PRKCE: variants seen among roughly 807,000 people sequenced by gnomAD.
PRKCE encodes the protein protein kinase C epsilon type.
PRKCE carries 16 observed loss-of-function variants against 85.4 expected under a neutral mutation model. The observed-to-expected ratio is 0.19, with a 90% CI of 0.13 to 0.28. The LOEUF is 0.28. Ranked by LOEUF, PRKCE falls within the 10% of genes least tolerant of loss-of-function variation. The pLI, the probability that PRKCE is intolerant of heterozygous loss-of-function variation, is 1.00. For missense variants in PRKCE, 573 were observed against 975.2 expected, an observed-to-expected ratio of 0.59 and a Z score of 5.49; for synonymous variants, 388 against 371.5, an observed-to-expected ratio of 1.04 and a Z score of -0.51.
At chr2:45,784,928 C>G (rs1386879113) in intron 1 of PRKCE, among the ~76,000 whole-genome samples, 2 of 152,128 alleles carry the variant, frequency 1.3e-5, no homozygotes, top group East Asian at 1.9e-4. Context: ...CACTTAAGAT[C>G]TGGTACTATA....
chr2:45,895,018 C>A lies in PRKCE; in HGVS notation c.412+51955C>A, dbSNP rs1696027839. 6.6e-6 allele frequency among the ~76,000 whole-genome samples: 1 copy of A among 152,206 alleles called. No homozygotes were observed. The highest frequency in any genetic ancestry group is 2.1e-4 in the South Asian group (1 of 4,832). On this transcript the variant is annotated intron_variant, in intron 2 of 14. Coordinates refer to ENST00000306156, the MANE Select transcript of PRKCE (RefSeq NM_005400.3). This position sits in a 1 kb window ranked among gnomAD's most constrained non-coding sequence, Gnocchi z 4.8. ...GATTACAGGCATCAGCCCCTGTGCCCCCGTTCGTTTGTTTTGAGTGAACAC... is the reference window on the plus strand; with the variant it reads ...GATTACAGGCATCAGCCCCTGTGCCACCGTTCGTTTGTTTTGAGTGAACAC...
At chr2:45,765,261 G>C (rs1423364225) in intron 1 of PRKCE, among the ~76,000 whole-genome samples, 4 of 152,226 alleles carry the variant, frequency 2.6e-5, no homozygotes, top group Admixed American at 2.6e-4. Flanking sequence ...CACATGATGA[G>C]TAAGCCTGGA....
intron 10 of PRKCE, among the ~76,000 whole-genome samples, chr2:46,019,731 G>A (rs1706477682): frequency 6.6e-6 from 1 of 150,964 alleles, no homozygotes; most frequent in Non-Finnish European, 1.5e-5. Flanking sequence ...CAATGACATT[G>A]TGAGGACTTC....
At chr2:45,679,398 C>T (rs540009759) in intron 1 of PRKCE, among the ~76,000 whole-genome samples, 8 of 152,254 alleles carry the variant, frequency 5.3e-5, no homozygotes, top group Admixed American at 2.6e-4. Flanking sequence ...ATTTTTATAG[C>T]ATATATACTC....
At position 45,741,868 on chromosome 2, in the gene PRKCE, T is replaced by G. The variant is rs969606557; in HGVS notation, c.348+89420T>G. On this transcript the variant is annotated intron_variant, in intron 1 of 14. Transcript: ENST00000306156. ...CATGTGGAGAGCTACCAGAAGGCCA[T>G]GGGTTACCCAGGGTCTCTCCTTTAA... Among the ~76,000 whole-genome samples, 13 of 152,202 alleles carry G rather than the reference T, an allele frequency of 8.5e-5. 1 individual carries two copies. Among genetic ancestry groups the G allele is most frequent in the African/African-American group, 3.1e-4 (13 of 41,450 alleles).
rs76239120 is a variant in PRKCE, at chr2:46,145,268, G to A, written c.1731+37G>A. The A allele has an allele frequency of 7.7e-3, 12,242 of 1,598,218 alleles. 69 individuals carry two copies. Among genetic ancestry groups the A allele is most frequent in the Non-Finnish European group, 9.6e-3 (11,284 of 1,179,000 alleles). ...GTGCAAAGGTTCACCTCCTCCTGGT[G>A]CCAGGACCGAGGCAGGGGTCCAAAC... On this transcript the variant is annotated intron_variant, in intron 12 of 14. Transcript: ENST00000306156. This position sits in a 1 kb window ranked among gnomAD's most constrained non-coding sequence, Gnocchi z 4.6.
intron 3 of PRKCE, among the ~76,000 whole-genome samples, chr2:45,977,875 A>T (rs1702583140): frequency 6.6e-6 from 1 of 152,132 alleles, no homozygotes. Context: ...TTTGAAGCTG[A>T]TGTAGAGGTT....
Position 46,097,519 on chromosome 2 carries a change from C to CAAAAAAAAAAA in PRKCE, c.1592+11165_1592+11175dup, listed in dbSNP as rs66634467. On this transcript the variant is annotated intron_variant, in intron 11 of 14. Transcript: ENST00000306156. ...TGGGAGACAGAGCGAGACTCCGTCT[C>CAAAAAAAAAAA]AAAAAAAAAAAAAAAAAAGCTGTGA... is the stretch of plus-strand genomic sequence containing the variant. Among the ~76,000 whole-genome samples the CAAAAAAAAAAA allele has an allele frequency of 2.1e-3, 199 of 94,078 alleles. 3 individuals are homozygous for CAAAAAAAAAAA. Among genetic ancestry groups the CAAAAAAAAAAA allele is most frequent in the African/African-American group, 5.9e-3 (131 of 22,286 alleles). 61.7% of individuals were successfully genotyped at this position (94,078 alleles called of 152,430 possible).
chr2:45,946,585 A>T (rs1039254058), intron 2 of PRKCE, among the ~76,000 whole-genome samples: 3 of 152,166 alleles, frequency 2.0e-5, no homozygotes, highest in Admixed American at 6.5e-5. Context: ...ATTGCCTCTA[A>T]TCTTGGTGAA....
intron 1 of PRKCE, among the ~76,000 whole-genome samples, chr2:45,726,074 C>A (rs960326471): frequency 6.6e-6 from 1 of 152,170 alleles, no homozygotes; most frequent in Non-Finnish European, 1.5e-5. Flanking sequence ...CTTGACCAAA[C>A]TTGAACGGAT....
chr2:46,090,794 A>T (rs1670096467), intron 11 of PRKCE, among the ~76,000 whole-genome samples: 1 of 152,118 alleles, frequency 6.6e-6, no homozygotes, highest in African/African-American at 2.4e-5. Context: ...GAGAAGCTGT[A>T]CATATGTGTT....
intron 11 of PRKCE, among the ~76,000 whole-genome samples, chr2:46,134,663 A>T (rs1237106652): frequency 1.3e-5 from 2 of 152,196 alleles, no homozygotes; most frequent in Non-Finnish European, 2.9e-5. Context: ...GCCCTTGGGG[A>T]TTAACTCATC....
chr2:45,912,624 T>C (rs1194301102), intron 2 of PRKCE, among the ~76,000 whole-genome samples: 1 of 151,984 alleles, frequency 6.6e-6, no homozygotes, highest in Non-Finnish European at 1.5e-5. Context: ...CTGGGGACCA[T>C]GAGAGACAGG....
At chr2:45,781,402 A>G (rs1262174392) in intron 1 of PRKCE, among the ~76,000 whole-genome samples, 2 of 152,208 alleles carry the variant, frequency 1.3e-5, no homozygotes, top group East Asian at 1.9e-4. Context: ...AGGGAGTCCA[A>G]CCTCAGCCCT....
intron 2 of PRKCE, among the ~76,000 whole-genome samples, chr2:45,943,221 A>G (rs1700008401): frequency 6.6e-6 from 1 of 152,230 alleles, no homozygotes; most frequent in East Asian, 1.9e-4. Flanking sequence ...ACACAATTAA[A>G]TATACTCCAA....
chr2:45,893,701 C>T (rs558084332), intron 2 of PRKCE, among the ~76,000 whole-genome samples: 42 of 152,096 alleles, frequency 2.8e-4, no homozygotes, highest in Non-Finnish European at 4.1e-4. Flanking sequence ...CCCAGTGCCC[C>T]GCTCTTCCCA....
chr2:45,987,503 C>G (rs901073875), intron 6 of PRKCE, among the ~76,000 whole-genome samples: 24 of 152,096 alleles, frequency 1.6e-4, no homozygotes, highest in African/African-American at 5.6e-4. Context: ...ATTAAGAAAC[C>G]TTATTTTTTT....
At chr2:45,694,048 C>T (rs1018966043) in intron 1 of PRKCE, among the ~76,000 whole-genome samples, 1 of 151,510 alleles carries the variant, frequency 6.6e-6, no homozygotes, top group Non-Finnish European at 1.5e-5. Context: ...ATTTTTGACC[C>T]GTGGACACAG....
intron 10 of PRKCE, among the ~76,000 whole-genome samples, chr2:46,019,532 C>T (rs1233613751): frequency 6.6e-6 from 1 of 152,192 alleles, no homozygotes; most frequent in African/African-American, 2.4e-5. Flanking sequence ...TACTTCAGTG[C>T]TTAATATTAG....
Sources: allele counts gnomAD v4.1 joint callset (sites outside exome capture counted in the v4.1 genomes callset), GRCh38; gene constraint gnomAD v4.1.1; non-coding constraint Gnocchi (gnomAD v3.1); transcripts MANE v1.5; gene names NCBI Gene and HGNC (gene_info 2026-07-23, HGNC 2026-07-21).